The following PKP4 variants were observed in gnomAD, a reference collection of about 807,000 sequenced individuals.
PKP4 encodes plakophilin 4, also known as plakophilin-4.
In PKP4, 90 loss-of-function variants were observed where a neutral mutation model predicts 145.1. The observed-to-expected ratio is 0.62, with a 90% CI of 0.52 to 0.74. The LOEUF (loss-of-function observed/expected upper bound fraction) is 0.74. PKP4 is among the 30% of genes least tolerant of loss of function. PKP4 has a pLI of 0.00. For synonymous variants in PKP4, 563 were observed against 577.2 expected, an observed-to-expected ratio of 0.98 and a Z score of 0.35; for missense variants, 1,340 against 1,482.7, an observed-to-expected ratio of 0.90 and a Z score of 1.58.
intron 4 of PKP4, among the ~76,000 whole-genome samples, chr2:158,605,378 CAA>C (rs2050573028): frequency 6.6e-6 from 1 of 151,952 alleles, no homozygotes; most frequent in Non-Finnish European, 1.5e-5. Context: ...CATTTAGTAA[CAA>C]AATCTATATT....
At chr2:158,663,829 G>A (rs190829591) in intron 15 of PKP4, among the ~76,000 whole-genome samples, 50 of 152,324 alleles carry the variant, frequency 3.3e-4, no homozygotes, top group Non-Finnish European at 6.0e-4. Flanking sequence ...GATGCTGCCC[G>A]GCAGAATCTC....
chr2:158,466,466 G>A (rs915903687), intron 1 of PKP4, among the ~76,000 whole-genome samples: 23 of 152,054 alleles, frequency 1.5e-4, no homozygotes, highest in African/African-American at 5.3e-4. Context: ...GGAGGCTGAG[G>A]CAGGTGGATC....
In PKP4 at chr2:158,680,579, G is replaced by A; in HGVS notation, c.3481G>A (p.Gly1161Arg). The A allele has an allele frequency of 6.2e-7, 1 of 1,613,966 alleles. No homozygotes were observed. Among genetic ancestry groups the A allele is most frequent in the Non-Finnish European group, 8.5e-7 (1 of 1,179,880 alleles). Residue 1161 changes from glycine (G) to arginine (R), a missense_variant, in exon 22 of 22, where the codon GGA becomes AGA. Physicochemically the swap from Gly to Arg is moderately radical, Grantham distance 125 (BLOSUM62 -2). Coordinates refer to ENST00000389759, the MANE Select transcript of PKP4 (RefSeq NM_003628.6). ...TTCTACTGATTACTCAACACAGTAT[G>A]GACTGAAATCGACCACAAATTATGT... ...PASTDYSTQY[G>R]LKSTTNYVDF...
At chr2:158,506,067 A>G (rs1213610108) in intron 1 of PKP4, among the ~76,000 whole-genome samples, 1 of 152,268 alleles carries the variant, frequency 6.6e-6, no homozygotes, top group African/African-American at 2.4e-5. Context: ...TTGTGTAAAT[A>G]TGAAGAAAGT....
rs564837134 is a variant in PKP4, at chr2:158,678,375, G to C, written c.3257-206G>C. On this transcript the variant is annotated intron_variant, in intron 20 of 21. Transcript: ENST00000389759. ...CACAGCCTGTTTCTGCCATAGTTTTGCCATTAGCCCCCACCAGCCCTGAGG... is the reference window on the plus strand; with the variant it reads ...CACAGCCTGTTTCTGCCATAGTTTTCCCATTAGCCCCCACCAGCCCTGAGG... 1.2e-3 allele frequency among the ~76,000 whole-genome samples: 185 copies of C among 152,120 alleles called. 1 individual carries two copies. The highest frequency in any genetic ancestry group is 5.8e-3 in the South Asian group (28 of 4,816).
At chr2:158,478,839 A>C (rs1038061294) in intron 1 of PKP4, among the ~76,000 whole-genome samples, 4 of 152,200 alleles carry the variant, frequency 2.6e-5, no homozygotes, top group African/African-American at 9.6e-5. Flanking sequence ...TTGTTTGCCA[A>C]GTTTGCTTAA....
chr2:158,642,659 G>T lies in PKP4; in HGVS notation c.1869G>T (p.Leu623Phe). 6.2e-7 allele frequency: 1 copy of T among 1,610,842 alleles called. No individual in the cohort carries two copies. ...GGATACCTGCCTTGTTGCGACTGTT[G>T]AGAAAATCTATTGATGCAGAAGTAA... ...VGGIPALLRL[L>F]RKSIDAEVRE... The change falls in exon 11 of 22, where the codon TTG becomes TTT. Residue 623 changes from leucine (L) to phenylalanine (F), a missense_variant. Coordinates refer to ENST00000389759, the MANE Select transcript of PKP4 (RefSeq NM_003628.6).
At chr2:158,500,296 G>A (rs746566097) in intron 1 of PKP4, among the ~76,000 whole-genome samples, 7 of 152,104 alleles carry the variant, frequency 4.6e-5, no homozygotes, top group Admixed American at 6.5e-5. Flanking sequence ...GATAACTGCC[G>A]GTAATGACAA....
chr2:158,489,043 ATGAT>A (rs1350687813), intron 1 of PKP4, among the ~76,000 whole-genome samples: 1 of 152,206 alleles, frequency 6.6e-6, no homozygotes, highest in Non-Finnish European at 1.5e-5. Flanking sequence ...GAACTTGATG[ATGAT>A]TGTTTTGATA....
At chr2:158,608,808 C>CTTTCTTT (rs1558879615) in intron 4 of PKP4, among the ~76,000 whole-genome samples, 1 of 86,168 alleles carries the variant, frequency 1.2e-5, no homozygotes, top group African/African-American at 5.1e-5. Context: ...TCTTTTCTTT[C>CTTTCTTT]TTTTTTTTTT....
rs765601054 is a variant in PKP4 at position 158,663,296 on chromosome 2, G to A, written c.2428G>A (p.Gly810Arg). ...DQWDGVGPIP[G>R]LSKSPKGVEM... ...GTGGGATGGAGTTGGTCCTATCCCA[G>A]GACTGTCGAAGTCCCCCAAAGGGGT... Residue 810 changes from glycine (G) to arginine (R), a missense_variant, in exon 15 of 22, where the codon GGA becomes AGA. Coordinates refer to ENST00000389759, the MANE Select transcript of PKP4 (RefSeq NM_003628.6). 6.2e-7 allele frequency: 1 copy of A among 1,613,848 alleles called. No homozygotes were observed. Among genetic ancestry groups the A allele is most frequent in the South Asian group, 1.1e-5 (1 of 91,044 alleles).
intron 1 of PKP4, among the ~76,000 whole-genome samples, chr2:158,522,882 A>G (rs1041226656): frequency 3.9e-5 from 6 of 152,212 alleles, no homozygotes; most frequent in Non-Finnish European, 8.8e-5. Flanking sequence ...ACGCACCTGG[A>G]AAATCGGGTC....
At chr2:158,530,189 T>G (rs1287980858) in intron 1 of PKP4, among the ~76,000 whole-genome samples, 1 of 152,196 alleles carries the variant, frequency 6.6e-6, no homozygotes, top group Non-Finnish European at 1.5e-5. Context: ...GGTGCCCCAT[T>G]TTAGTTCTCA....
intron 1 of PKP4, among the ~76,000 whole-genome samples, chr2:158,514,136 A>G (rs973648236): frequency 6.6e-6 from 1 of 152,210 alleles, no homozygotes; most frequent in African/African-American, 2.4e-5. Flanking sequence ...AAACACAGAT[A>G]TGTTGTCATA....
rs537237920 is a variant in PKP4, at chr2:158,464,466, GA to G, written c.-6+7256del. 5.3e-5 allele frequency among the ~76,000 whole-genome samples: 8 copies of G among 151,844 alleles called. No individual in the cohort carries two copies. The South Asian group carries it at 1.5e-3, about 28-fold the overall frequency. On this transcript the variant is annotated intron_variant, in intron 1 of 21. Coordinates refer to ENST00000389759, the MANE Select transcript of PKP4 (RefSeq NM_003628.6). ...AGACCCTGTTCTCTTCCTTTGTGGA[GA>G]AAAAAAATCCGTATAGAACTCTAGT...
rs192426468 is a variant in PKP4 at position 158,561,096 on chromosome 2, C to A, written c.133-16175C>A. On this transcript the variant is annotated intron_variant, in intron 2 of 21. Transcript: ENST00000389759. ...TAATCAAAGGCAGAATATTTGATGACGCCTGAAAATTAGATGAAATCAAAT... is the reference window on the plus strand; with the variant it reads ...TAATCAAAGGCAGAATATTTGATGAAGCCTGAAAATTAGATGAAATCAAAT... Among the ~76,000 whole-genome samples, 280 of 152,234 alleles carry A rather than the reference C, an allele frequency of 1.8e-3. 1 individual carries two copies. The highest frequency in any genetic ancestry group is 3.6e-3 in the Non-Finnish European group (248 of 68,012).
intron 1 of PKP4, among the ~76,000 whole-genome samples, chr2:158,532,880 T>C (rs1438272278): frequency 2.0e-5 from 3 of 152,166 alleles, no homozygotes; most frequent in Admixed American, 6.5e-5. Context: ...CAAAAACCTC[T>C]TCTGCAATTG....
Position 158,680,549 on chromosome 2 carries a change from C to A in PKP4, c.3451C>A (p.Pro1151Thr), listed in dbSNP as rs765867448. The A allele has an allele frequency of 6.2e-7, 1 of 1,614,098 alleles. No individual in the cohort carries two copies. The highest frequency in any genetic ancestry group is 1.7e-5 in the Admixed American group (1 of 60,020). Residue 1151 changes from proline to threonine, a missense_variant, in exon 22 of 22, where the codon CCA becomes ACA. Transcript: ENST00000389759. ...TTATTTTGATGACCGAGTTCACTTT[C>A]CAGCTTCTACTGATTACTCAACACA... is the stretch of plus-strand genomic sequence containing the variant. ...DPYFDDRVHF[P>T]ASTDYSTQYG...
intron 4 of PKP4, among the ~76,000 whole-genome samples, chr2:158,617,905 G>A (rs1445126864): frequency 2.0e-5 from 3 of 152,150 alleles, no homozygotes; most frequent in South Asian, 2.1e-4. Context: ...CTGAATGGCC[G>A]AGCACAATGG....
Sources: allele counts gnomAD v4.1 joint callset (sites outside exome capture counted in the v4.1 genomes callset), GRCh38; gene constraint gnomAD v4.1.1; transcripts MANE v1.5; gene names NCBI Gene and HGNC (gene_info 2026-07-23, HGNC 2026-07-21).